Variants in CFAP44 observed in about 807,000 individuals in gnomAD.
CFAP44 encodes cilia and flagella associated protein 44, also known as cilia- and flagella-associated protein 44.
A neutral mutation model predicts 216.2 loss-of-function variants in CFAP44; 134 were observed. The observed-to-expected ratio is 0.62, with a 90% confidence interval of 0.54 to 0.72. The LOEUF is 0.72. Among genes scored for constraint, CFAP44 ranks in the 30% least tolerant of loss-of-function variants. The probability of loss-of-function intolerance (pLI) is 0.00; values close to 1 mark genes in which losing one functional copy is unlikely to be tolerated. For missense variants in CFAP44, 2,035 were observed against 2,182.1 expected, an observed-to-expected ratio of 0.93 and a Z score of 1.34; for synonymous variants, 700 against 727.6, an observed-to-expected ratio of 0.96 and a Z score of 0.61.
At chr3:113,346,428 A>G (rs1356926635) in intron 22 of CFAP44, among the ~76,000 whole-genome samples, 1 of 141,338 alleles carries the variant, frequency 7.1e-6, no homozygotes, top group Admixed American at 7.1e-5. Flanking sequence ...TCTGTAAAAA[A>G]GCACCAATCA....
chr3:113,312,539 T>G (rs186107707), intron 28 of CFAP44, among the ~76,000 whole-genome samples: 145 of 152,242 alleles, frequency 9.5e-4, no homozygotes, highest in Non-Finnish European at 1.8e-3. Context: ...AATTCCCCAT[T>G]GTTGTAGGGA....
In CFAP44 at chr3:113,288,188, G is replaced by A. The variant is rs1326749330; in HGVS notation, c.*3369C>T. ...GGGCCAGACCCTGGCTTTTAAACAT[G>A]AAGAATTTGATAAACAGGGTCCTAG... is the stretch of plus-strand genomic sequence containing the variant. On this transcript the variant is annotated 3_prime_UTR_variant, in exon 35 of 35. Coordinates refer to ENST00000393845, the MANE Select transcript of CFAP44 (RefSeq NM_001164496.2). 2 of 152,130 alleles carry A rather than the reference G, an allele frequency of 1.3e-5. No homozygotes were observed. The highest frequency in any genetic ancestry group is 3.2e-3 in the Middle Eastern group (1 of 316). The allele number at this position is 152,130 out of a possible 1,614,324, so 9.4% of individuals were successfully genotyped here.
At position 113,294,782 on chromosome 3, in the gene CFAP44, T is replaced by C. The variant is rs1454079756; in HGVS notation, c.5278A>G (p.Thr1760Ala). Reference protein sequence around the residue: ...AQMRWELMMKTKEHTRKLYQM... With the variant: ...AQMRWELMMKAKEHTRKLYQM... ...TAAAGCTTTCTGGTGTGTTCTTTTG[T>C]CTTCATCATCAGTTCCCATCGCATT... The change falls in exon 34 of 35, where the codon ACA becomes GCA. Residue 1760 changes from threonine (T) to alanine (A), a missense_variant. Thr to Ala is a moderately conservative substitution (Grantham distance 58, BLOSUM62 0). Around this residue, in one of 3 missense-constraint regions of CFAP44, gnomAD observed 1,883 missense variants for 2,023.7 expected, o/e 0.93. Transcript: ENST00000393845. 1 of 1,536,010 alleles carries C rather than the reference T, an allele frequency of 6.5e-7. No individual in the cohort carries two copies. The highest frequency in any genetic ancestry group is 2.0e-5 in the Admixed American group (1 of 50,762).
chr3:113,320,949 C>A (rs141353606), intron 28 of CFAP44, among the ~76,000 whole-genome samples: 2,651 of 152,276 alleles, frequency 0.017, 30 homozygotes, highest in Non-Finnish European at 0.028. Context: ...AGGATCAATA[C>A]TTTGCATCCT....
In CFAP44 at chr3:113,420,705, G is replaced by A. The variant is rs942959956; in HGVS notation, c.408-526C>T. On this transcript the variant is annotated intron_variant, in intron 4 of 34. Coordinates refer to ENST00000393845, the MANE Select transcript of CFAP44 (RefSeq NM_001164496.2). ...TTACGTAGGCCTTTTCCTTGATGTT[G>A]AAAGACAAGATGCTTAAAATTCTAA... Among the ~76,000 whole-genome samples, 7 of 152,178 alleles carry A rather than the reference G, an allele frequency of 4.6e-5. No homozygotes were observed. The East Asian group carries it at 1.3e-3, about 29-fold the overall frequency.
chr3:113,333,285 G>T, intron 25 of CFAP44, 121 bp downstream of exon 25: 2 of 884,318 alleles, frequency 2.3e-6, no homozygotes, highest in Non-Finnish European at 3.4e-6. Context: ...GTCTTTTCCA[G>T]TTCTAAATTT....
At chr3:113,301,452 G>A (rs1949934182) in intron 32 of CFAP44, among the ~76,000 whole-genome samples, 1 of 152,024 alleles carries the variant, frequency 6.6e-6, no homozygotes, top group South Asian at 2.1e-4. Context: ...AGTTGGGTGG[G>A]TGGGTTCATT....
At chr3:113,399,340 A>G (rs1469865691) in intron 13 of CFAP44, among the ~76,000 whole-genome samples, 1 of 152,166 alleles carries the variant, frequency 6.6e-6, no homozygotes, top group Admixed American at 6.6e-5. Flanking sequence ...ATGCCACTAC[A>G]TTTTGAGATA....
chr3:113,350,214 CAGAG>C (rs948791724), intron 22 of CFAP44, among the ~76,000 whole-genome samples: 3 of 149,524 alleles, frequency 2.0e-5, no homozygotes, highest in African/African-American at 7.4e-5. Flanking sequence ...GAGACAAAGA[CAGAG>C]AGAAAGAGAA....
intron 15 of CFAP44, among the ~76,000 whole-genome samples, chr3:113,391,371 C>T (rs1330232220): frequency 6.6e-6 from 1 of 151,974 alleles, no homozygotes; most frequent in African/African-American, 2.4e-5. Flanking sequence ...AACTTAAGAC[C>T]TCAAAACTAT....
At chr3:113,426,819 T>C (rs757665389) in intron 3 of CFAP44, 1 of 218,396 alleles carries the variant, frequency 4.6e-6, no homozygotes, top group African/African-American at 2.3e-5. Context: ...GAAGAGCCAT[T>C]ATGCCCACGT....
intron 6 of CFAP44, among the ~76,000 whole-genome samples, chr3:113,410,123 T>C (rs946473907): frequency 2.0e-5 from 3 of 152,204 alleles, no homozygotes; most frequent in Admixed American, 6.5e-5. Flanking sequence ...CATTCTTTTA[T>C]TCCTTTACTT....
intron 22 of CFAP44, among the ~76,000 whole-genome samples, chr3:113,347,148 T>C (rs1415647066): frequency 6.6e-6 from 1 of 152,180 alleles, no homozygotes; most frequent in Non-Finnish European, 1.5e-5. Flanking sequence ...TAAAAGTGAC[T>C]AGCGTGGCCG....
chr3:113,363,452 C>T (rs1214696761), intron 20 of CFAP44, 25 bp downstream of exon 20: 2 of 1,603,078 alleles, frequency 1.2e-6, no homozygotes, highest in Non-Finnish European at 8.5e-7. Flanking sequence ...CAGGCCTAGT[C>T]AGTATTTATC....
chr3:113,428,702 T>C (rs1457402758), intron 2 of CFAP44, among the ~76,000 whole-genome samples: 1 of 152,190 alleles, frequency 6.6e-6, no homozygotes, highest in East Asian at 1.9e-4. Context: ...ATGGCAGGGC[T>C]GCTGGCAAAA....
At chr3:113,418,027 TTTTA>T (rs1275391012) in intron 5 of CFAP44, among the ~76,000 whole-genome samples, 4 of 151,488 alleles carry the variant, frequency 2.6e-5, no homozygotes, top group Non-Finnish European at 4.4e-5. Flanking sequence ...AGTTTGGGAG[TTTTA>T]TTTATTTAAT....
At chr3:113,376,150 G>C (rs1933338856) in intron 17 of CFAP44, among the ~76,000 whole-genome samples, 1 of 151,988 alleles carries the variant, frequency 6.6e-6, no homozygotes, top group Non-Finnish European at 1.5e-5. Context: ...TCGATATAAG[G>C]GTATCAAATA....
At chr3:113,366,457 C>T in intron 18 of CFAP44, 148 bp from the exon 19 acceptor site, 1 of 882,628 alleles carries the variant, frequency 1.1e-6, no homozygotes, top group South Asian at 1.8e-5. Flanking sequence ...AGCCCTAACC[C>T]CTAATACTTC....
In CFAP44 at chr3:113,407,370, C is replaced by A. The variant is rs935905908; in HGVS notation, c.891-329G>T. 3.9e-5 allele frequency among the ~76,000 whole-genome samples: 6 copies of A among 152,256 alleles called. No homozygotes were observed. The South Asian group carries it at 1.2e-3, about 32-fold the overall frequency. ...AGTAATTAACATTAAATAAAATCAA[C>A]ATTTTAGTGTTTCAGTCACACTAGC... On this transcript the variant is annotated intron_variant, in intron 7 of 34. Coordinates refer to ENST00000393845, the MANE Select transcript of CFAP44 (RefSeq NM_001164496.2).
Sources: gnomAD v4.1 joint callset for allele counts (sites outside exome capture counted in the v4.1 genomes callset) on GRCh38, gnomAD v4.1.1 for gene constraint, gnomAD v4.1.1 regional missense constraint, MANE v1.5 for transcripts, NCBI Gene and HGNC (gene_info 2026-07-23, HGNC 2026-07-21) for gene names.